Variants in FBXL20 observed in about 807,000 individuals in gnomAD.
FBXL20 encodes the protein F-box/LRR-repeat protein 20.
FBXL20 carries 11 observed loss-of-function variants against 64.0 expected under a neutral mutation model. The ratio of observed to expected loss-of-function variants is 0.17; its 90% CI spans 0.11 to 0.28. The LOEUF (loss-of-function observed/expected upper bound fraction) is 0.28, where lower values mean the gene tolerates loss of function less well. Ranked by LOEUF, FBXL20 falls within the 10% of genes least tolerant of loss-of-function variation. FBXL20 has a pLI of 1.00. For synonymous variants in FBXL20, 184 were observed against 189.0 expected (o/e 0.97, Z 0.22); for missense variants, 303 against 526.2 (o/e 0.58, Z 4.15).
chr17:39,292,703 T>A (rs2047050607), intron 6 of FBXL20, among the ~76,000 whole-genome samples: 1 of 152,086 alleles, frequency 6.6e-6, no homozygotes, highest in African/African-American at 2.4e-5. Flanking sequence ...CACTGCAACC[T>A]CTGCCTCTTC....
At chr17:39,321,597 G>A (rs1298169352) in intron 2 of FBXL20, among the ~76,000 whole-genome samples, 2 of 151,660 alleles carry the variant, frequency 1.3e-5, no homozygotes, top group Non-Finnish European at 2.9e-5. Context: ...GGCCAACATG[G>A]TAAAACCTCA....
chr17:39,350,430 A>G (rs180914668), intron 1 of FBXL20, among the ~76,000 whole-genome samples: 1 of 151,558 alleles, frequency 6.6e-6, no homozygotes, highest in Non-Finnish European at 1.5e-5. Context: ...CAGAGGTTGC[A>G]GTGAGCTGAG....
chr17:39,274,841 A>G, intron 10 of FBXL20, 129 bp downstream of exon 10: 1 of 1,206,262 alleles, frequency 8.3e-7, no homozygotes, highest in African/African-American at 1.6e-5. Flanking sequence ...TGGGCATCTA[A>G]AAGGGACTAC....
At chr17:39,264,577 T>C (rs531542881) in intron 13 of FBXL20, among the ~76,000 whole-genome samples, 190 bp from the exon 14 acceptor site, 8 of 152,252 alleles carry the variant, frequency 5.3e-5, no homozygotes, top group Non-Finnish European at 1.0e-4. Context: ...CAGTGATTGA[T>C]ATTTTGGTGT....
At chr17:39,269,788 G>A (rs967129447) in intron 11 of FBXL20, among the ~76,000 whole-genome samples, 10 of 152,098 alleles carry the variant, frequency 6.6e-5, no homozygotes, top group African/African-American at 9.7e-5. Flanking sequence ...ATGAGCCACC[G>A]CGCCCGGCCT....
chr17:39,276,221 GAAAA>G (rs1215336803), intron 9 of FBXL20, among the ~76,000 whole-genome samples: 786 of 60,566 alleles, frequency 0.013, 4 homozygotes, highest in African/African-American at 0.048. Flanking sequence ...AGCAAGAAAA[GAAAA>G]AAAAAAAAAA....
At chr17:39,335,469 G>A (rs2047511312) in intron 2 of FBXL20, among the ~76,000 whole-genome samples, 1 of 151,608 alleles carries the variant, frequency 6.6e-6, no homozygotes, top group Non-Finnish European at 1.5e-5. Flanking sequence ...TGTAGTCCTA[G>A]CTACTTGGGA....
chr17:39,305,390 T>G (rs10491129), intron 2 of FBXL20, among the ~76,000 whole-genome samples: 59,521 of 152,070 alleles, frequency 0.39, 15,276 homozygotes, highest in African/African-American at 0.73. Context: ...GTGCAAATAG[T>G]TCAGGGAATC....
chr17:39,323,001 C>T (rs1168499942), intron 2 of FBXL20, among the ~76,000 whole-genome samples: 1 of 138,908 alleles, frequency 7.2e-6, no homozygotes, highest in African/African-American at 2.7e-5. Flanking sequence ...GACAGAGTCT[C>T]ACTCTGTCGC....
intron 1 of FBXL20, among the ~76,000 whole-genome samples, chr17:39,349,765 T>C (rs1400505961): frequency 6.6e-6 from 1 of 151,868 alleles, no homozygotes; most frequent in Non-Finnish European, 1.5e-5. Context: ...TGAAACCCCA[T>C]CTCTACTAAA....
rs2046696704 is a variant in FBXL20 at position 39,256,457 on chromosome 17, A to G, written c.*5003T>C. On this transcript the variant is annotated 3_prime_UTR_variant, in exon 15 of 15. Coordinates refer to ENST00000264658, the MANE Select transcript of FBXL20 (RefSeq NM_032875.3). Reference sequence around the variant, plus strand: ...GAGAGGTTCTGTCTCAAGAATTCCAACCAAACATCCTACATTTCTTCTCAA... The same window carrying G: ...GAGAGGTTCTGTCTCAAGAATTCCAGCCAAACATCCTACATTTCTTCTCAA... 1 of 152,184 alleles carries G rather than the reference A, an allele frequency of 6.6e-6. No individual in the cohort carries two copies. Among genetic ancestry groups the G allele is most frequent in the Non-Finnish European group, 1.5e-5 (1 of 68,032 alleles). 9.4% of individuals were successfully genotyped at this position (152,184 alleles called of 1,614,324 possible). A position where few individuals can be genotyped will look rare whatever the true frequency, so the allele number is the denominator to read the frequency against.
At chr17:39,325,168 A>G (rs1435803631) in intron 2 of FBXL20, among the ~76,000 whole-genome samples, 2 of 152,208 alleles carry the variant, frequency 1.3e-5, no homozygotes, top group Non-Finnish European at 2.9e-5. Context: ...TGATTGTGCC[A>G]CTGCAGTCCA....
At chr17:39,397,482 A>C (rs921235106) in intron 1 of FBXL20, among the ~76,000 whole-genome samples, 3 of 152,100 alleles carry the variant, frequency 2.0e-5, no homozygotes, top group African/African-American at 7.2e-5. Context: ...TTTTTAATAA[A>C]CCCATTAAGA....
intron 1 of FBXL20, among the ~76,000 whole-genome samples, chr17:39,398,524 T>C (rs1214818808): frequency 6.6e-6 from 1 of 152,228 alleles, no homozygotes; most frequent in African/African-American, 2.4e-5. Flanking sequence ...TATTACTGTA[T>C]ACATTTAATG....
chr17:39,356,289 TA>T (rs1412499444), intron 1 of FBXL20, among the ~76,000 whole-genome samples: 1 of 152,090 alleles, frequency 6.6e-6, no homozygotes, highest in Non-Finnish European at 1.5e-5. Flanking sequence ...TTGAGTTAAT[TA>T]TCATATGTGG....
At chr17:39,368,787 C>T (rs2047886643) in intron 1 of FBXL20, among the ~76,000 whole-genome samples, 2 of 152,064 alleles carry the variant, frequency 1.3e-5, no homozygotes, top group African/African-American at 4.8e-5. Context: ...TCCCGAGTAG[C>T]TGGGACTACA....
chr17:39,399,536 A>G (rs925366097), intron 1 of FBXL20, among the ~76,000 whole-genome samples: 3 of 152,196 alleles, frequency 2.0e-5, no homozygotes, highest in Non-Finnish European at 2.9e-5. Context: ...GGCATGGAAC[A>G]CTTCACATCA....
rs34975638 is a variant in FBXL20, at chr17:39,256,320, CAA to C, written c.*5138_*5139del. The C allele has an allele frequency of 0.014, 1,326 of 92,018 alleles. 9 individuals are homozygous for C. Among genetic ancestry groups the C allele is most frequent in the African/African-American group, 0.04 (1,005 of 25,382 alleles). The allele number at this position is 92,018 out of a possible 1,614,324, so 5.7% of individuals were successfully genotyped here. A position where few individuals can be genotyped will look rare whatever the true frequency, so the allele number is the denominator to read the frequency against. On this transcript the variant is annotated 3_prime_UTR_variant, in exon 15 of 15. Coordinates refer to ENST00000264658, the MANE Select transcript of FBXL20 (RefSeq NM_032875.3). ...TGGGTGACAGAGCGAGACTCCATGT[CAA>C]AAAAAAAAAAAAAAAAAAGAAATAT...
At chr17:39,324,180 T>C (rs891490833) in intron 2 of FBXL20, among the ~76,000 whole-genome samples, 2 of 150,102 alleles carry the variant, frequency 1.3e-5, no homozygotes, top group African/African-American at 2.5e-5. Context: ...TGCATCAGTA[T>C]ACCTGGAGTG....
Sources: gnomAD v4.1 joint callset for allele counts (sites outside exome capture counted in the v4.1 genomes callset) on GRCh38, gnomAD v4.1.1 for gene constraint, MANE v1.5 for transcripts, NCBI Gene and HGNC (gene_info 2026-07-23, HGNC 2026-07-21) for gene names.